Variants in DLGAP1 observed in about 807,000 individuals in gnomAD.
The protein encoded by DLGAP1 is disks large-associated protein 1.
A neutral mutation model predicts 90.8 loss-of-function variants in DLGAP1; 11 were observed. That is an observed-to-expected ratio of 0.12 (90% CI 0.08 to 0.20). The LOEUF (loss-of-function observed/expected upper bound fraction) is 0.20. Ranked by LOEUF, DLGAP1 falls within the 10% of genes least tolerant of loss-of-function variation. DLGAP1 has a pLI of 1.00. For missense variants in DLGAP1, 1,050 were observed against 1,333.8 expected (o/e 0.79, Z 3.31); for synonymous variants, 558 against 540.7 (o/e 1.03, Z -0.44).
intron 1 of DLGAP1, among the ~76,000 whole-genome samples, chr18:4,334,657 G>A (rs908723192): frequency 4.0e-5 from 6 of 151,866 alleles, no homozygotes; most frequent in Non-Finnish European, 8.8e-5. Flanking sequence ...AACACAAAAT[G>A]CAAGAGAGAG....
At chr18:4,410,743 G>A (rs1048736665) in intron 1 of DLGAP1, among the ~76,000 whole-genome samples, 1 of 151,644 alleles carries the variant, frequency 6.6e-6, no homozygotes, top group African/African-American at 2.4e-5. Context: ...AGCAACAAAA[G>A]CAATCAAAAA....
chr18:3,984,390 T>C (rs986767946), intron 3 of DLGAP1: 6 of 152,288 alleles, frequency 3.9e-5, no homozygotes, highest in African/African-American at 1.4e-4. Context: ...CTGTGCTAGA[T>C]CATTCAAATG....
At chr18:3,827,669 T>C (rs1172266099) in intron 4 of DLGAP1, among the ~76,000 whole-genome samples, 1 of 152,208 alleles carries the variant, frequency 6.6e-6, no homozygotes, top group Non-Finnish European at 1.5e-5. Flanking sequence ...CATCTTACTT[T>C]GGAAACCAGT....
intron 3 of DLGAP1, among the ~76,000 whole-genome samples, chr18:3,975,270 C>T (rs1447673736): frequency 1.3e-5 from 2 of 152,022 alleles, no homozygotes; most frequent in Admixed American, 6.6e-5. Context: ...AAACAAACAT[C>T]CCCATCAAAA....
chr18:4,358,317 C>T (rs1021466950), intron 1 of DLGAP1, among the ~76,000 whole-genome samples: 6 of 152,056 alleles, frequency 3.9e-5, no homozygotes, highest in South Asian at 2.1e-4. Context: ...CATGTTATTA[C>T]GCTGTGGTGA....
chr18:4,442,249 C>T (rs1414579475), intron 1 of DLGAP1, among the ~76,000 whole-genome samples: 8 of 152,178 alleles, frequency 5.3e-5, no homozygotes, highest in Non-Finnish European at 1.0e-4. Flanking sequence ...CCGCCCACCT[C>T]GGCCTCCCAA....
At chr18:4,452,925 T>A (rs1056993558) in intron 1 of DLGAP1, among the ~76,000 whole-genome samples, 2 of 152,222 alleles carry the variant, frequency 1.3e-5, no homozygotes, top group Non-Finnish European at 2.9e-5. Flanking sequence ...ATATTTATAT[T>A]GCCTGTAATG....
chr18:4,451,663 A>G (rs184278119), intron 1 of DLGAP1, among the ~76,000 whole-genome samples: 8 of 152,320 alleles, frequency 5.3e-5, no homozygotes, highest in South Asian at 2.1e-4. Context: ...AGAAAGAAAA[A>G]ACATCTTTTG....
intron 5 of DLGAP1, among the ~76,000 whole-genome samples, chr18:3,743,253 T>C (rs1295054207): frequency 6.6e-6 from 1 of 152,208 alleles, no homozygotes; most frequent in Admixed American, 6.5e-5. Flanking sequence ...TAGAATTCCA[T>C]ACCCTTAAAA....
chr18:3,695,861 T>C (rs866294996), intron 7 of DLGAP1, among the ~76,000 whole-genome samples: 46 of 148,824 alleles, frequency 3.1e-4, no homozygotes, highest in African/African-American at 1.1e-3. Context: ...TATTTGTTTG[T>C]GTCCTCTCTT....
chr18:3,953,729 G>C (rs955614391), intron 3 of DLGAP1, among the ~76,000 whole-genome samples: 28 of 152,200 alleles, frequency 1.8e-4, no homozygotes, highest in African/African-American at 6.5e-4. Flanking sequence ...TGAATTGAAT[G>C]GTTGTTCTAT....
At chr18:3,560,196 G>A (rs901771729) in intron 9 of DLGAP1, among the ~76,000 whole-genome samples, 4 of 142,640 alleles carry the variant, frequency 2.8e-5, no homozygotes, top group African/African-American at 5.2e-5. Flanking sequence ...TGAGATGACC[G>A]GATCACGAGG....
chr18:3,786,152 C>T (rs1310667262), intron 5 of DLGAP1, among the ~76,000 whole-genome samples: 2 of 152,148 alleles, frequency 1.3e-5, no homozygotes, highest in African/African-American at 4.8e-5. Flanking sequence ...ATCTCAAGAT[C>T]CTGAACTTAA....
At chr18:3,979,457 G>T (rs77940532) in intron 3 of DLGAP1, among the ~76,000 whole-genome samples, 1 of 346 alleles carries the variant, frequency 2.9e-3, no homozygotes, top group African/African-American at 9.6e-3. Context: ...GTACTCCCAT[G>T]ATTGACACAT....
chr18:4,215,850 A>G (rs1176752752), intron 1 of DLGAP1, among the ~76,000 whole-genome samples: 2 of 152,108 alleles, frequency 1.3e-5, no homozygotes, highest in Non-Finnish European at 2.9e-5. Flanking sequence ...TCCTGCCAAA[A>G]GTGGGAGCAG....
intron 6 of DLGAP1, among the ~76,000 whole-genome samples, chr18:3,742,011 A>T (rs750919785): frequency 1.7e-4 from 26 of 151,902 alleles, no homozygotes; most frequent in Non-Finnish European, 1.8e-4. Context: ...CCAGGCTTAC[A>T]TTTGTATTTT....
intron 10 of DLGAP1, among the ~76,000 whole-genome samples, chr18:3,523,657 C>CT (rs2051383194): frequency 6.6e-6 from 1 of 151,816 alleles, no homozygotes; most frequent in Admixed American, 6.6e-5. Context: ...ACCATCCTGG[C>CT]TAACACGGTG....
chr18:3,547,746 A>C (rs1371598600), intron 9 of DLGAP1, among the ~76,000 whole-genome samples: 3 of 152,214 alleles, frequency 2.0e-5, no homozygotes, highest in Admixed American at 6.5e-5. Flanking sequence ...GGTATATATC[A>C]AAAAGAATTT....
At chr18:4,269,582 C>T (rs983686439) in intron 1 of DLGAP1, among the ~76,000 whole-genome samples, 1 of 151,896 alleles carries the variant, frequency 6.6e-6, no homozygotes, top group Non-Finnish European at 1.5e-5. Context: ...TCTCGATCTC[C>T]TGACCTTGTG....
Sources: gnomAD v4.1 joint callset for allele counts (sites outside exome capture counted in the v4.1 genomes callset) on GRCh38, gnomAD v4.1.1 for gene constraint, MANE v1.5 for transcripts, NCBI Gene and HGNC (gene_info 2026-07-23, HGNC 2026-07-21) for gene names.